Variants in NHSL3 observed in about 807,000 individuals in gnomAD.
The protein encoded by NHSL3 is NHS-like protein 3.
At chr1:32,769,886 G>A in the NHSL3 span, 1 of 1,610,180 alleles carries the variant, frequency 6.2e-7, no homozygotes. Context: ...CCAGGCCTGA[G>A]GAATGAGCGT....
chr1:32,771,787 C>T, the NHSL3 span: 1 of 1,613,416 alleles, frequency 6.2e-7, no homozygotes, highest in Non-Finnish European at 8.5e-7. Flanking sequence ...TGGTGGGCCT[C>T]CCAGGGAGGA....
At chr1:32,769,673 G>T in the NHSL3 span, 4 of 1,610,612 alleles carry the variant, frequency 2.5e-6, no homozygotes, top group Non-Finnish European at 3.4e-6. Context: ...TGGCCCCCAG[G>T]CTCCACCTTC....
At chr1:32,770,291 G>T in the NHSL3 span, 1 of 1,609,912 alleles carries the variant, frequency 6.2e-7, no homozygotes, top group Non-Finnish European at 8.5e-7. This position sits in a 1 kb window ranked among gnomAD's most constrained non-coding sequence, Gnocchi z 8.3. Flanking sequence ...GCCCTAGGCC[G>T]CTGCAGCCTG....
the NHSL3 span, among the ~76,000 whole-genome samples, chr1:32,747,288 C>T: frequency 9.3e-4 from 141 of 151,842 alleles, no homozygotes; most frequent in African/African-American, 3.3e-3. Context: ...CAGGTTCAAG[C>T]GATTCTTCTG....
At chr1:32,765,598 G>A in the NHSL3 span, 2 of 1,500,406 alleles carry the variant, frequency 1.3e-6, no homozygotes, top group Non-Finnish European at 8.9e-7. Flanking sequence ...GCGAAGGTGG[G>A]AGGAGGACAT....
At chr1:32,771,369 A>T in the NHSL3 span, 44 of 937,842 alleles carry the variant, frequency 4.7e-5, no homozygotes, top group African/African-American at 9.4e-4. Context: ...AGTCACCCCC[A>T]CCTTCCCCAC....
the NHSL3 span, chr1:32,742,118 G>A: frequency 8.0e-7 from 1 of 1,248,476 alleles, no homozygotes; most frequent in Non-Finnish European, 1.0e-6. Context: ...GGGGCCGAGG[G>A]CGCCGAACCG....
At chr1:32,761,025 G>A in the NHSL3 span, among the ~76,000 whole-genome samples, 1 of 152,156 alleles carries the variant, frequency 6.6e-6, no homozygotes, top group South Asian at 2.1e-4. Flanking sequence ...TGCCCTCCGT[G>A]CTGGGGGCGT....
chr1:32,761,082 C>G, the NHSL3 span, among the ~76,000 whole-genome samples: 1,442 of 152,282 alleles, frequency 9.5e-3, 20 homozygotes, highest in African/African-American at 0.033. Flanking sequence ...AGCCTCCTCC[C>G]CCAGGCATGT....
chr1:32,747,213 TCTCA>T, the NHSL3 span, among the ~76,000 whole-genome samples: 1 of 148,792 alleles, frequency 6.7e-6, no homozygotes, highest in African/African-American at 2.5e-5. Flanking sequence ...TGAGACAGAG[TCTCA>T]CTCTGTCGCC....
At chr1:32,770,066 T>C in the NHSL3 span, 14 of 1,564,698 alleles carry the variant, frequency 8.9e-6, no homozygotes, top group East Asian at 2.3e-5. The surrounding 1 kb of genome is among the most constrained non-coding windows in gnomAD (Gnocchi z 8.3). Flanking sequence ...CAGCGCCACA[T>C]TGACCGTGTC....
At chr1:32,742,282 G>A in the NHSL3 span, 7 of 1,161,114 alleles carry the variant, frequency 6.0e-6, no homozygotes, top group Non-Finnish European at 6.5e-6. Flanking sequence ...CGTGTTGGAG[G>A]GGGGTGACCC....
At chr1:32,764,149 C>T in the NHSL3 span, among the ~76,000 whole-genome samples, 2 of 152,156 alleles carry the variant, frequency 1.3e-5, no homozygotes, top group East Asian at 3.9e-4. Flanking sequence ...GTGTGAACCA[C>T]CATGCCCAGC....
the NHSL3 span, among the ~76,000 whole-genome samples, chr1:32,747,570 G>A: frequency 6.6e-6 from 1 of 152,162 alleles, no homozygotes; most frequent in Non-Finnish European, 1.5e-5. Context: ...AGGGGCTGGG[G>A]GCTAGGCATG....
the NHSL3 span, among the ~76,000 whole-genome samples, chr1:32,760,825 G>A: frequency 6.6e-6 from 1 of 152,040 alleles, no homozygotes; most frequent in Non-Finnish European, 1.5e-5. Context: ...TCCTGACCTC[G>A]CGATCCACCC....
At chr1:32,744,026 C>A in the NHSL3 span, among the ~76,000 whole-genome samples, 1 of 152,184 alleles carries the variant, frequency 6.6e-6, no homozygotes, top group East Asian at 1.9e-4. Flanking sequence ...AGAAATAAAT[C>A]TGATCCCACT....
chr1:32,770,491 T>C, the NHSL3 span: 1 of 1,573,146 alleles, frequency 6.4e-7, no homozygotes, highest in Non-Finnish European at 8.7e-7. The surrounding 1 kb of genome is among the most constrained non-coding windows in gnomAD (Gnocchi z 8.3). Flanking sequence ...TAAGGGTGGC[T>C]CTGAGGGCCA....
At chr1:32,743,834 C>T in the NHSL3 span, among the ~76,000 whole-genome samples, 1 of 152,164 alleles carries the variant, frequency 6.6e-6, no homozygotes, top group Non-Finnish European at 1.5e-5. Context: ...GGCAGCATGT[C>T]GGCCTGATTT....
the NHSL3 span, chr1:32,742,312 A>C: frequency 3.1e-6 from 3 of 965,910 alleles, no homozygotes; most frequent in Non-Finnish European, 4.0e-6. Flanking sequence ...GGTGCTGGAA[A>C]GCGAAGAGGC....
Sources: allele counts gnomAD v4.1 joint callset (sites outside exome capture counted in the v4.1 genomes callset), GRCh38; gene constraint gnomAD v4.1.1; non-coding constraint Gnocchi (gnomAD v3.1); transcripts MANE v1.5; gene names NCBI Gene and HGNC (gene_info 2026-07-23, HGNC 2026-07-21).